The following OPA1 variants were observed in gnomAD, a reference collection of about 807,000 sequenced individuals.
The protein encoded by OPA1 is dynamin-like GTPase OPA1, mitochondrial.
Under a neutral mutation model 152.9 loss-of-function variants are expected in OPA1, and 59 were observed. That is an observed-to-expected ratio of 0.39 (90% CI 0.31 to 0.48). The LOEUF is 0.48. Ranked by LOEUF, OPA1 falls within the 20% of genes least tolerant of loss-of-function variation. The pLI is 0.96. For synonymous variants in OPA1, 400 were observed against 389.9 expected (o/e 1.03, Z -0.31); for missense variants, 1,008 against 1,216.8 (o/e 0.83, Z 2.55).
intron 29 of OPA1, among the ~76,000 whole-genome samples, chr3:193,686,370 A>G (rs888590348): frequency 3.9e-5 from 6 of 152,196 alleles, no homozygotes; most frequent in Admixed American, 1.3e-4. Context: ...CTTCTGTAAC[A>G]TGCAGGAGTG....
chr3:193,665,256 T>C (rs1474089077), intron 27 of OPA1, among the ~76,000 whole-genome samples: 3 of 113,450 alleles, frequency 2.6e-5, no homozygotes, highest in African/African-American at 3.9e-5. Context: ...ATATAAATAG[T>C]AAAAAAAATA....
chr3:193,643,836 A>T, intron 15 of OPA1, 139 bp from the exon 16 acceptor site: 1 of 1,024,710 alleles, frequency 9.8e-7, no homozygotes, highest in Non-Finnish European at 1.4e-6. Context: ...ATCGGCTAGG[A>T]TTTCTTTTTA....
chr3:193,679,573 A>G (rs1426531001), intron 29 of OPA1, among the ~76,000 whole-genome samples: 3 of 152,216 alleles, frequency 2.0e-5, no homozygotes, highest in Non-Finnish European at 4.4e-5. Flanking sequence ...AGCTGGGGCT[A>G]ATCATATGTG....
chr3:193,662,808 T>A lies in OPA1; in HGVS notation c.2521-14T>A, dbSNP rs2109231109. On this transcript the variant is annotated splice_polypyrimidine_tract_variant and intron_variant, in intron 25 of 30. Transcript: ENST00000361510. ...GAACCATCTAAACACAGTCCTTTTT[T>A]AAACATTTTAAAGTGTGTTCACAAT... The A allele has an allele frequency of 6.2e-7, 1 of 1,611,310 alleles. No individual in the cohort carries two copies.
chr3:193,686,857 A>G (rs1000561052), intron 29 of OPA1, among the ~76,000 whole-genome samples: 1 of 152,110 alleles, frequency 6.6e-6, no homozygotes, highest in African/African-American at 2.4e-5. Flanking sequence ...ATTAAGGTAC[A>G]TTTGGATCTT....
At chr3:193,688,568 C>T (rs1721261436) in intron 29 of OPA1, among the ~76,000 whole-genome samples, 1 of 142,596 alleles carries the variant, frequency 7.0e-6, no homozygotes, top group African/African-American at 2.6e-5. Flanking sequence ...ACCTCCGCCT[C>T]CCGATTCTCC....
chr3:193,609,824 T>G (rs1453271837), intron 1 of OPA1, among the ~76,000 whole-genome samples: 1 of 152,242 alleles, frequency 6.6e-6, no homozygotes, highest in Non-Finnish European at 1.5e-5. Context: ...TTCCAGTTGA[T>G]CGAATCGGCT....
intron 30 of OPA1, among the ~76,000 whole-genome samples, 160 bp from the exon 31 acceptor site, chr3:193,694,446 T>C (rs1232004495): frequency 2.0e-5 from 3 of 152,212 alleles, no homozygotes; most frequent in African/African-American, 7.2e-5. Flanking sequence ...ATTATGCCAA[T>C]ATTGTTAGGT....
intron 1 of OPA1, among the ~76,000 whole-genome samples, chr3:193,611,458 A>C (rs143239535): frequency 8.7e-4 from 133 of 152,142 alleles, no homozygotes; most frequent in African/African-American, 3.2e-3. Context: ...TTAGCTGGGC[A>C]TGGTGGCACA....
At position 193,626,137 on chromosome 3, in the gene OPA1, C is replaced by T. The variant is rs769642534; in HGVS notation, c.724C>T (p.His242Tyr). Residue 242 changes from histidine to tyrosine, a missense_variant, in exon 7 of 31, where the codon CAT becomes TAT. His to Tyr is a moderately conservative substitution (Grantham distance 83, BLOSUM62 2). Coordinates refer to ENST00000361510, the MANE Select transcript of OPA1 (RefSeq NM_130837.3). ...TCTCTTACAACAACAAATTCAAGAG[C>T]ATGAAGAGGAAGCGCGCAGAGCCGC... ...LILLQQQIQE[H>Y]EEEARRAAGQ... 1 of 1,614,028 alleles carries T rather than the reference C, an allele frequency of 6.2e-7. No individual in the cohort carries two copies. Among genetic ancestry groups the T allele is most frequent in the Non-Finnish European group, 8.5e-7 (1 of 1,179,986 alleles).
At chr3:193,613,845 T>C (rs1419310176) in intron 1 of OPA1, 4 of 494,334 alleles carry the variant, frequency 8.1e-6, no homozygotes, top group Non-Finnish European at 1.6e-5. Flanking sequence ...CCCAAAGTGC[T>C]GGGATTACAG....
intron 1 of OPA1, among the ~76,000 whole-genome samples, chr3:193,604,760 T>C (rs974785002): frequency 6.7e-6 from 1 of 148,258 alleles, no homozygotes; most frequent in Non-Finnish European, 1.5e-5. Flanking sequence ...CTCGGGAGGC[T>C]GAGGCAGGAG....
chr3:193,679,444 T>C (rs1426349718), intron 29 of OPA1, among the ~76,000 whole-genome samples: 1 of 152,124 alleles, frequency 6.6e-6, no homozygotes, highest in Non-Finnish European at 1.5e-5. Flanking sequence ...TTTACAAAAC[T>C]TCTGCTTGTC....
Position 193,655,131 on chromosome 3 carries a change from G to C in OPA1, c.2178+104G>C, listed in dbSNP as rs558017660. On this transcript the variant is annotated intron_variant, in intron 22 of 30. Coordinates refer to ENST00000361510, the MANE Select transcript of OPA1 (RefSeq NM_130837.3). ...CATCACAGCCTCTATCTTTCTTTTA[G>C]GTCTTTATATCTCATTTATTCTTTA... 18 of 1,031,204 alleles carry C rather than the reference G, an allele frequency of 1.7e-5. No homozygotes were observed. The African/African-American group carries it at 2.2e-4, about 13-fold the overall frequency. The allele number at this position is 1,031,204 out of a possible 1,614,324, so 63.9% of individuals were successfully genotyped here. A position where few individuals can be genotyped will look rare whatever the true frequency, so the allele number is the denominator to read the frequency against.
intron 1 of OPA1, among the ~76,000 whole-genome samples, chr3:193,609,805 T>C (rs1053719912): frequency 6.6e-6 from 1 of 152,208 alleles, no homozygotes; most frequent in African/African-American, 2.4e-5. Context: ...CCATCACTGA[T>C]ACCCTTTCTT....
intron 29 of OPA1, among the ~76,000 whole-genome samples, chr3:193,680,624 A>G (rs1342603367): frequency 6.6e-6 from 1 of 152,184 alleles, no homozygotes; most frequent in Non-Finnish European, 1.5e-5. Flanking sequence ...CTTTTCTTAG[A>G]ACATTTCTGC....
intron 5 of OPA1, 103 bp from the exon 6 acceptor site, chr3:193,618,766 C>T: frequency 1.1e-6 from 1 of 926,790 alleles, no homozygotes; most frequent in Non-Finnish European, 1.8e-6. Context: ...CTGAGTTGCT[C>T]TAAAAATCCA....
chr3:193,667,614 T>C (rs1226257020), intron 29 of OPA1, among the ~76,000 whole-genome samples: 3 of 140,270 alleles, frequency 2.1e-5, no homozygotes, highest in Non-Finnish European at 3.0e-5. Flanking sequence ...GAGCTTGCGG[T>C]GAGCCAAGAT....
intron 7 of OPA1, among the ~76,000 whole-genome samples, chr3:193,629,705 C>T (rs936219594): frequency 2.0e-5 from 3 of 152,024 alleles, no homozygotes; most frequent in African/African-American, 4.8e-5. Context: ...TTCTACTAAC[C>T]TTATATCATT....
Sources: allele counts gnomAD v4.1 joint callset (sites outside exome capture counted in the v4.1 genomes callset), GRCh38; gene constraint gnomAD v4.1.1; transcripts MANE v1.5; gene names NCBI Gene and HGNC (gene_info 2026-07-23, HGNC 2026-07-21).